Variants in C16orf89 observed in about 807,000 individuals in gnomAD.
C16orf89 encodes the protein chromosome 16 open reading frame 89, also known as UPF0764 protein C16orf89.
A neutral mutation model predicts 41.5 loss-of-function variants in C16orf89; 57 were observed. That is an observed-to-expected ratio of 1.38 (90% CI 1.11 to 1.71). The LOEUF (loss-of-function observed/expected upper bound fraction) is 1.71, where lower values mean the gene tolerates loss of function less well. Ranked by LOEUF, C16orf89 falls within the 40% of genes most tolerant of loss-of-function variation. The pLI is 0.00. For missense variants in C16orf89, 575 were observed against 445.9 expected, an observed-to-expected ratio of 1.29 and a Z score of -2.61; for synonymous variants, 223 against 190.6, an observed-to-expected ratio of 1.17 and a Z score of -1.40.
Position 5,056,084 on chromosome 16 carries a change from G to A in C16orf89, c.732C>T (p.Ala244=). Residue 244 remains alanine (A), a synonymous_variant, in exon 5 of 8, where the codon GCC becomes GCT. Transcript: ENST00000472572. ...LNRRAEAIGY[A]YPTRDIFMEN... is the part of the protein sequence containing the mutation. Reference sequence around the variant, plus strand: ...CCATGAAGATGTCCCGGGTAGGGTAGGCGTATCCGATGGCCTCAGCTCTGC... The same window carrying A: ...CCATGAAGATGTCCCGGGTAGGGTAAGCGTATCCGATGGCCTCAGCTCTGC... The A allele has an allele frequency of 1.3e-6, 2 of 1,597,924 alleles. No individual in the cohort carries two copies. The highest frequency in any genetic ancestry group is 1.7e-6 in the Non-Finnish European group (2 of 1,166,532).
At chr16:5,060,594 C>T (rs569040602) in intron 2 of C16orf89, among the ~76,000 whole-genome samples, 158 bp from the exon 3 acceptor site, 1 of 152,244 alleles carries the variant, frequency 6.6e-6, no homozygotes, top group Admixed American at 6.5e-5. Flanking sequence ...GTTTGAAACA[C>T]TCAAGAAAGC....
At chr16:5,054,857 G>A (rs949263464) in intron 6 of C16orf89, among the ~76,000 whole-genome samples, 3 of 152,126 alleles carry the variant, frequency 2.0e-5, no homozygotes, top group Admixed American at 6.6e-5. Flanking sequence ...TATGTGAGAC[G>A]TCCCTTTCGC....
At chr16:5,062,956 C>A (rs770755465) in intron 1 of C16orf89, among the ~76,000 whole-genome samples, 4 of 152,150 alleles carry the variant, frequency 2.6e-5, no homozygotes, top group Non-Finnish European at 4.4e-5. Flanking sequence ...GTACACTGCA[C>A]AAGGGCAACA....
chr16:5,056,004 T>TG, intron 5 of C16orf89, 49 bp downstream of exon 5: 2 of 1,353,588 alleles, frequency 1.5e-6, no homozygotes, highest in Non-Finnish European at 2.0e-6. Context: ...TGTGTGTTGG[T>TG]GGGGGGACAC....
intron 2 of C16orf89, among the ~76,000 whole-genome samples, chr16:5,061,735 G>C (rs932342109): frequency 1.3e-5 from 2 of 152,126 alleles, no homozygotes; most frequent in Admixed American, 6.5e-5. Flanking sequence ...CTGGACTGCC[G>C]TGTGAGCATG....
rs192418130 is a variant in C16orf89, at chr16:5,045,208, T to A, written c.956-730A>T. 4.6e-5 allele frequency among the ~76,000 whole-genome samples: 7 copies of A among 152,312 alleles called. No individual in the cohort carries two copies. In the East Asian group the frequency reaches 1.2e-3, roughly 25 times the overall value. ...CGCACCGGAGTCCTGTCCCAGGTCCTGTGTAAGACCTTCTGAGATGGGGAA... is the reference window on the plus strand; with the variant it reads ...CGCACCGGAGTCCTGTCCCAGGTCCAGTGTAAGACCTTCTGAGATGGGGAA... On this transcript the variant is annotated intron_variant, in intron 7 of 7. Transcript: ENST00000472572.
At chr16:5,059,679 A>G (rs184069250) in intron 3 of C16orf89, among the ~76,000 whole-genome samples, 1 of 152,228 alleles carries the variant, frequency 6.6e-6, no homozygotes, top group African/African-American at 2.4e-5. Flanking sequence ...CACCAGGATA[A>G]AATGAGGAGC....
chr16:5,049,560 T>C (rs1286269911), intron 6 of C16orf89, among the ~76,000 whole-genome samples: 2 of 152,164 alleles, frequency 1.3e-5, no homozygotes, highest in African/African-American at 4.8e-5. Flanking sequence ...ACTTTCAAAA[T>C]TGTACAAATA....
chr16:5,063,385 C>G lies in C16orf89; in HGVS notation c.209-811G>C, dbSNP rs928806888. Among the ~76,000 whole-genome samples the G allele has an allele frequency of 3.3e-5, 5 of 152,238 alleles. No homozygotes were observed. The East Asian group carries it at 9.7e-4, about 29-fold the overall frequency. ...GGGAGTGCTGACAGGGAGGGGCTCC[C>G]TGTGTGTCAGAGTGTCTCCTCCTGT... is the stretch of plus-strand genomic sequence containing the variant. On this transcript the variant is annotated intron_variant, in intron 1 of 7. Coordinates refer to ENST00000472572, the MANE Select transcript of C16orf89 (RefSeq NM_001098514.3).
chr16:5,043,210 G>A (rs114075370), downstream of C16orf89: 2,990 of 152,670 alleles, frequency 0.02, 88 homozygotes, highest in African/African-American at 0.068. Context: ...GACTACAGGT[G>A]TTCACTACTG....
chr16:5,055,692 C>T, intron 5 of C16orf89: 1 of 1,535,530 alleles, frequency 6.5e-7, no homozygotes, highest in African/African-American at 1.4e-5. Flanking sequence ...GTCACCTGGT[C>T]CATCTGTGTA....
chr16:5,044,868 A>G (rs746624857), intron 7 of C16orf89: 4 of 1,255,306 alleles, frequency 3.2e-6, no homozygotes, highest in East Asian at 1.2e-4. Flanking sequence ...TGCTTTTCAG[A>G]TGTCATTCCA....
rs538095556 is a variant in C16orf89, at chr16:5,056,160, T to G, written c.656A>C (p.Gln219Pro). The G allele has an allele frequency of 6.3e-7, 1 of 1,593,278 alleles. No homozygotes were observed. Among genetic ancestry groups the G allele is most frequent in the African/African-American group, 1.3e-5 (1 of 74,696 alleles). Residue 219 changes from glutamine to proline, a missense_variant, in exon 5 of 8, where the codon CAG (glutamine) becomes CCG (proline). Transcript: ENST00000472572. Reference sequence around the variant, plus strand: ...GAAGAGGTTGATATAGTCCTGGCTCTGTTGGAGTGGTCCCTGTGTGCACCC... The same window carrying G: ...GAAGAGGTTGATATAGTCCTGGCTCGGTTGGAGTGGTCCCTGTGTGCACCC... ...MRGCTQGPLQ[Q>P]SQDYINLFCA...
At chr16:5,055,684 C>A (rs1440402528) in intron 5 of C16orf89, 3 of 1,534,984 alleles carry the variant, frequency 2.0e-6, no homozygotes, top group Non-Finnish European at 1.7e-6. Flanking sequence ...GTCTGCCAGT[C>A]ACCTGGTCCA....
chr16:5,046,079 G>A (rs563926348), intron 7 of C16orf89, among the ~76,000 whole-genome samples: 6 of 152,268 alleles, frequency 3.9e-5, no homozygotes, highest in African/African-American at 1.4e-4. Flanking sequence ...CCTAGCTAGG[G>A]TAGGACCTCT....
At chr16:5,052,603 G>GA (rs35043310) in intron 6 of C16orf89, among the ~76,000 whole-genome samples, 74 of 142,544 alleles carry the variant, frequency 5.2e-4, no homozygotes, top group East Asian at 4.3e-3. Flanking sequence ...AAGAAAGAAA[G>GA]AAAAAAAAAA....
At chr16:5,053,410 G>A (rs1479261377) in intron 6 of C16orf89, among the ~76,000 whole-genome samples, 2 of 152,038 alleles carry the variant, frequency 1.3e-5, no homozygotes, top group Non-Finnish European at 2.9e-5. Flanking sequence ...GGTTACTAGA[G>A]GTGGGGAGGG....
At chr16:5,047,092 A>G (rs1185331117) in intron 7 of C16orf89, among the ~76,000 whole-genome samples, 1 of 152,154 alleles carries the variant, frequency 6.6e-6, no homozygotes, top group Non-Finnish European at 1.5e-5. Context: ...GTTTCGACCA[A>G]CAGGAGGTGC....
intron 1 of C16orf89, among the ~76,000 whole-genome samples, chr16:5,063,445 G>C (rs1956669378): frequency 1.3e-5 from 2 of 152,136 alleles, no homozygotes; most frequent in Non-Finnish European, 2.9e-5. Flanking sequence ...AATAGGACAG[G>C]GGTCCCCAAC....
Sources: gnomAD v4.1 joint callset for allele counts (sites outside exome capture counted in the v4.1 genomes callset) on GRCh38, gnomAD v4.1.1 for gene constraint, MANE v1.5 for transcripts, NCBI Gene and HGNC (gene_info 2026-07-23, HGNC 2026-07-21) for gene names.